The following NCKAP5 variants were observed in gnomAD, a reference collection of about 807,000 sequenced individuals.
NCKAP5 encodes NCK associated protein 5.
NCKAP5 carries 92 observed loss-of-function variants against 167.0 expected under a neutral mutation model. The ratio of observed to expected loss-of-function variants is 0.55; its 90% CI spans 0.47 to 0.66. The LOEUF (loss-of-function observed/expected upper bound fraction) is 0.66, where lower values mean the gene tolerates loss of function less well. Ranked by LOEUF, NCKAP5 falls within the 30% of genes least tolerant of loss-of-function variation. NCKAP5 has a pLI of 0.00. For missense variants in NCKAP5, 2,378 were observed against 2,315.0 expected (o/e 1.03, Z -0.56); for synonymous variants, 891 against 877.4 (o/e 1.02, Z -0.27).
At chr2:133,446,921 G>C (rs1220046549) in intron 3 of NCKAP5, among the ~76,000 whole-genome samples, 2 of 152,152 alleles carry the variant, frequency 1.3e-5, no homozygotes, top group African/African-American at 4.8e-5. Flanking sequence ...AGGAATCAGA[G>C]AAGGGAACCA....
intron 6 of NCKAP5, among the ~76,000 whole-genome samples, chr2:133,088,628 A>G (rs2081073042): frequency 6.6e-6 from 1 of 152,202 alleles, no homozygotes; most frequent in Non-Finnish European, 1.5e-5. Flanking sequence ...ATTTTATAAC[A>G]AATATTATGT....
chr2:133,069,653 T>C (rs2149546391), intron 6 of NCKAP5, among the ~76,000 whole-genome samples: 1 of 152,268 alleles, frequency 6.6e-6, no homozygotes, highest in South Asian at 2.1e-4. Flanking sequence ...CGTAAAGCCT[T>C]CAATTTCCTC....
chr2:133,270,339 C>T (rs2089451434), intron 4 of NCKAP5, among the ~76,000 whole-genome samples: 1 of 152,170 alleles, frequency 6.6e-6, no homozygotes, highest in East Asian at 1.9e-4. Flanking sequence ...AAAGAACTTA[C>T]TCTCATGTTT....
intron 6 of NCKAP5, among the ~76,000 whole-genome samples, chr2:133,047,135 T>C (rs879242494): frequency 3.3e-5 from 5 of 152,232 alleles, no homozygotes; most frequent in African/African-American, 4.8e-5. Flanking sequence ...GATTGCAAAC[T>C]GTACACTGCC....
At chr2:133,654,702 G>T in the NCKAP5 span, among the ~76,000 whole-genome samples, 1 of 152,292 alleles carries the variant, frequency 6.6e-6, no homozygotes, top group Non-Finnish European at 1.5e-5. Context: ...CCACGTGGTT[G>T]GTACTTAATA....
At chr2:132,771,090 A>G (rs1193377883) in intron 16 of NCKAP5, among the ~76,000 whole-genome samples, 2 of 129,698 alleles carry the variant, frequency 1.5e-5, no homozygotes, top group Non-Finnish European at 3.2e-5. Context: ...CCTTCCATTT[A>G]ATAAAAAAAG....
chr2:133,315,936 T>G (rs528700996), intron 3 of NCKAP5, among the ~76,000 whole-genome samples: 1 of 152,278 alleles, frequency 6.6e-6, no homozygotes, highest in South Asian at 2.1e-4. Context: ...ATAAATATCA[T>G]GTGATTCTTG....
At chr2:132,859,566 C>T (rs1689727047) in intron 11 of NCKAP5, among the ~76,000 whole-genome samples, 1 of 151,978 alleles carries the variant, frequency 6.6e-6, no homozygotes, top group African/African-American at 2.4e-5. Flanking sequence ...TTTAAATAGC[C>T]CTACATGGCT....
chr2:133,311,716 A>C (rs2150616163), intron 3 of NCKAP5, among the ~76,000 whole-genome samples: 1 of 152,330 alleles, frequency 6.6e-6, no homozygotes, highest in African/African-American at 2.4e-5. Context: ...CACTCAGAAA[A>C]TAAGAAACGT....
At chr2:133,015,025 C>A (rs2078282459) in intron 6 of NCKAP5, among the ~76,000 whole-genome samples, 1 of 152,176 alleles carries the variant, frequency 6.6e-6, no homozygotes, top group African/African-American at 2.4e-5. Flanking sequence ...CAGCAGGGCT[C>A]ACTTTATCTA....
chr2:133,555,441 C>CA (rs927713217), intron 2 of NCKAP5, among the ~76,000 whole-genome samples: 5 of 152,166 alleles, frequency 3.3e-5, no homozygotes, highest in African/African-American at 1.2e-4. Flanking sequence ...GCTTATAGAT[C>CA]AAAAAAGCCT....
intron 11 of NCKAP5, among the ~76,000 whole-genome samples, chr2:132,850,439 C>T (rs949341754): frequency 6.6e-6 from 1 of 151,912 alleles, no homozygotes; most frequent in Non-Finnish European, 1.5e-5. Flanking sequence ...AGCTTTGGAC[C>T]GGAGAGAACC....
At chr2:133,546,925 A>G (rs1322710105) in intron 2 of NCKAP5, among the ~76,000 whole-genome samples, 2 of 152,216 alleles carry the variant, frequency 1.3e-5, no homozygotes, top group Admixed American at 1.3e-4. Flanking sequence ...CAGCGTGAGC[A>G]ACACAGAAGA....
chr2:133,363,003 T>C (rs1244916500), intron 3 of NCKAP5, among the ~76,000 whole-genome samples: 1 of 151,964 alleles, frequency 6.6e-6, no homozygotes. Context: ...CCTGACCCTG[T>C]GATCCGCCCG....
intron 5 of NCKAP5, among the ~76,000 whole-genome samples, chr2:133,212,389 T>C (rs1369214217): frequency 6.6e-6 from 1 of 152,194 alleles, no homozygotes; most frequent in African/African-American, 2.4e-5. Flanking sequence ...CTTATTTATT[T>C]GTTTGTTTTT....
intron 3 of NCKAP5, among the ~76,000 whole-genome samples, chr2:133,345,288 G>A (rs1239088883): frequency 6.6e-6 from 1 of 151,984 alleles, no homozygotes; most frequent in Non-Finnish European, 1.5e-5. Flanking sequence ...AGCCTTGTGT[G>A]TGATCTTTCT....
At chr2:132,804,592 T>C (rs1685287809) in intron 11 of NCKAP5, among the ~76,000 whole-genome samples, 2 of 152,146 alleles carry the variant, frequency 1.3e-5, no homozygotes, top group African/African-American at 2.4e-5. Context: ...TGACCTATTT[T>C]TACCAGACCT....
intron 6 of NCKAP5, chr2:133,123,163 A>T (rs1345028546): frequency 6.6e-6 from 1 of 152,400 alleles, no homozygotes; most frequent in Non-Finnish European, 1.5e-5. Context: ...ATACCTCTTT[A>T]AAAAAATTTA....
intron 8 of NCKAP5, among the ~76,000 whole-genome samples, chr2:132,944,858 GC>G (rs1697580855): frequency 6.6e-6 from 1 of 152,156 alleles, no homozygotes; most frequent in Non-Finnish European, 1.5e-5. Context: ...AGAAGTCACT[GC>G]TTTCCTGGAA....
Sources: allele counts gnomAD v4.1 joint callset (sites outside exome capture counted in the v4.1 genomes callset), GRCh38; gene constraint gnomAD v4.1.1; transcripts MANE v1.5; gene names NCBI Gene and HGNC (gene_info 2026-07-23, HGNC 2026-07-21).